Variants in FGF13 observed in about 807,000 individuals in gnomAD.
The protein encoded by FGF13 is fibroblast growth factor homologous factor 2.
In FGF13, 2 loss-of-function variants were observed where a neutral mutation model predicts 19.5. The observed-to-expected ratio is 0.10, with a 90% CI of 0.04 to 0.32. The LOEUF is 0.32. FGF13 is among the 10% of genes least tolerant of loss of function. The probability of loss-of-function intolerance (pLI) is 1.00; values close to 1 mark genes in which losing one functional copy is unlikely to be tolerated. For missense variants in FGF13, 113 were observed against 192.7 expected, an observed-to-expected ratio of 0.59 and a Z score of 2.45; for synonymous variants, 72 against 76.9, an observed-to-expected ratio of 0.94 and a Z score of 0.33.
intron 1 of FGF13, among the ~76,000 whole-genome samples, chrX:139,164,054 C>T (rs1435496225): frequency 9.2e-6 from 1 of 108,432 alleles, no homozygotes; most frequent in Non-Finnish European, 1.9e-5. Context: ...CTGAAATTTG[C>T]AGGGCAGGCT....
intron 1 of FGF13, among the ~76,000 whole-genome samples, chrX:138,896,555 T>C (rs2091505273): frequency 9.0e-6 from 1 of 111,601 alleles, no homozygotes; most frequent in African/African-American, 3.3e-5. Flanking sequence ...GGCTCCCGAC[T>C]TCTTATAAGA....
intron 1 of FGF13, among the ~76,000 whole-genome samples, chrX:139,139,097 A>AT (rs991359386): frequency 2.7e-5 from 3 of 109,512 alleles, no homozygotes; most frequent in Admixed American, 9.8e-5. Context: ...TGACTGGCTA[A>AT]TTTTTTTGTA....
intron 3 of FGF13, among the ~76,000 whole-genome samples, chrX:138,695,006 CA>C (rs2089881107): frequency 9.6e-6 from 1 of 104,161 alleles, no homozygotes; most frequent in African/African-American, 3.8e-5. Flanking sequence ...CACACACACA[CA>C]CACACACACA....
intron 3 of FGF13, among the ~76,000 whole-genome samples, chrX:138,786,791 T>G (rs748838006): frequency 8.9e-6 from 1 of 112,380 alleles, no homozygotes; most frequent in South Asian, 3.7e-4. Context: ...AACCTTTCTG[T>G]GCCTTCATAG....
intron 3 of FGF13, among the ~76,000 whole-genome samples, chrX:138,660,497 G>T (rs148401822): frequency 8.9e-6 from 1 of 111,732 alleles, no homozygotes; most frequent in Non-Finnish European, 1.9e-5. Flanking sequence ...CATAGCAGGT[G>T]TATATATTTA....
chrX:138,717,219 A>G (rs1420710399), intron 1 of FGF13, among the ~76,000 whole-genome samples: 1 of 111,800 alleles, frequency 8.9e-6, no homozygotes, highest in African/African-American at 3.3e-5. Flanking sequence ...CTGGAGAGAA[A>G]TAGCAGCTTT....
chrX:138,987,971 T>C (rs1423366181), intron 1 of FGF13, among the ~76,000 whole-genome samples: 1 of 112,302 alleles, frequency 8.9e-6, no homozygotes, highest in African/African-American at 3.2e-5. Flanking sequence ...CCCATTGTTT[T>C]ATTGTTACAC....
chrX:139,000,990 T>C (rs1292904761), intron 1 of FGF13, among the ~76,000 whole-genome samples: 1 of 111,454 alleles, frequency 9.0e-6, no homozygotes, highest in Non-Finnish European at 1.9e-5. Context: ...AACAGAGATA[T>C]AGATCAATGG....
intron 1 of FGF13, among the ~76,000 whole-genome samples, chrX:138,994,792 A>G (rs2092034016): frequency 9.0e-6 from 1 of 110,784 alleles, no homozygotes; most frequent in Admixed American, 9.7e-5. Flanking sequence ...CTTATAAACA[A>G]TGTTACGTGT....
At chrX:139,045,854 A>G (rs1358608581) in intron 1 of FGF13, among the ~76,000 whole-genome samples, 2 of 111,470 alleles carry the variant, frequency 1.8e-5, no homozygotes, top group Non-Finnish European at 3.8e-5. Context: ...CAACCATTTA[A>G]CCAGTCTCGA....
At chrX:139,093,773 C>T (rs2083453359) in intron 1 of FGF13, among the ~76,000 whole-genome samples, 1 of 111,899 alleles carries the variant, frequency 8.9e-6, no homozygotes, top group Non-Finnish European at 1.9e-5. Flanking sequence ...TGCAAGAGTA[C>T]AACAGTATCT....
At chrX:139,198,193 T>G (rs931191170) in intron 1 of FGF13, among the ~76,000 whole-genome samples, 11 of 110,861 alleles carry the variant, frequency 9.9e-5, no homozygotes, top group Admixed American at 1.9e-4. Flanking sequence ...TTACTACAGG[T>G]AAATTTCAAT....
chrX:138,872,771 C>T (rs1051546958), intron 1 of FGF13, among the ~76,000 whole-genome samples: 1 of 111,929 alleles, frequency 8.9e-6, no homozygotes. Context: ...AAAAGATAAA[C>T]TAGCATTCCT....
At chrX:139,109,526 C>T (rs897645520) in intron 1 of FGF13, among the ~76,000 whole-genome samples, 22 of 111,481 alleles carry the variant, frequency 2.0e-4, no homozygotes, top group African/African-American at 7.2e-4. Context: ...AGGGCTTTCT[C>T]GGCTATTAAG....
intron 1 of FGF13, among the ~76,000 whole-genome samples, chrX:138,960,671 C>T (rs1370578422): frequency 8.1e-5 from 9 of 111,706 alleles, no homozygotes; most frequent in Non-Finnish European, 1.9e-5. Flanking sequence ...TTGGTATTTT[C>T]GATAGTCCCA....
intron 2 of FGF13, among the ~76,000 whole-genome samples, chrX:138,707,441 C>T (rs1163878424): frequency 9.0e-6 from 1 of 110,989 alleles, no homozygotes; most frequent in Non-Finnish European, 1.9e-5. Flanking sequence ...TTTCCTGAGG[C>T]ACTCTGGAAA....
At chrX:139,002,469 C>A (rs1345865084) in intron 1 of FGF13, among the ~76,000 whole-genome samples, 1 of 111,230 alleles carries the variant, frequency 9.0e-6, no homozygotes, top group Non-Finnish European at 1.9e-5. Flanking sequence ...AAATTCAAGG[C>A]AAGTCCTAGT....
chrX:139,045,886 A>G (rs1170887418), intron 1 of FGF13, among the ~76,000 whole-genome samples: 3 of 111,732 alleles, frequency 2.7e-5, no homozygotes, highest in Non-Finnish European at 3.8e-5. Flanking sequence ...ACTTTCTCTC[A>G]TCTACCTGTC....
intron 1 of FGF13, among the ~76,000 whole-genome samples, chrX:139,055,595 T>C (rs909732938): frequency 1.8e-5 from 2 of 112,468 alleles, no homozygotes; most frequent in African/African-American, 6.5e-5. Context: ...GTCAGTCCTC[T>C]TCAGTTAAGG....
Sources: allele counts gnomAD v4.1 joint callset (sites outside exome capture counted in the v4.1 genomes callset), GRCh38; gene constraint gnomAD v4.1.1; transcripts MANE v1.5; gene names NCBI Gene and HGNC (gene_info 2026-07-23, HGNC 2026-07-21).